Variants in KIF26B observed in about 807,000 individuals in gnomAD.
KIF26B encodes the protein kinesin family member 26B.
A neutral mutation model predicts 151.2 loss-of-function variants in KIF26B; 63 were observed. The ratio of observed to expected loss-of-function variants is 0.42; its 90% confidence interval spans 0.34 to 0.51. KIF26B has a LOEUF of 0.51. Ranked by LOEUF, KIF26B falls within the 20% of genes least tolerant of loss-of-function variation. The pLI is 0.07. For synonymous variants in KIF26B, 1,357 were observed against 1,262.1 expected (o/e 1.08, Z -1.59); for missense variants, 2,813 against 2,913.6 (o/e 0.97, Z 0.79).
chr1:245,642,333 A>G (rs1303583222), intron 9 of KIF26B, among the ~76,000 whole-genome samples: 1 of 152,124 alleles, frequency 6.6e-6, no homozygotes, highest in Non-Finnish European at 1.5e-5. Flanking sequence ...TTACTCAGCA[A>G]GTCTCTGCAC....
chr1:245,439,369 A>G (rs1659012188), intron 4 of KIF26B, among the ~76,000 whole-genome samples: 1 of 151,570 alleles, frequency 6.6e-6, no homozygotes, highest in Non-Finnish European at 1.5e-5. Flanking sequence ...AAAAAGAAAA[A>G]AGAAAGGTAA....
At chr1:245,334,659 G>A (rs533209159) in intron 2 of KIF26B, among the ~76,000 whole-genome samples, 8 of 152,284 alleles carry the variant, frequency 5.3e-5, no homozygotes, top group East Asian at 3.9e-4. Context: ...GTATGGGTGC[G>A]GGGCAGACAA....
intron 5 of KIF26B, among the ~76,000 whole-genome samples, chr1:245,580,541 G>A (rs771421093): frequency 1.6e-4 from 25 of 152,224 alleles, no homozygotes; most frequent in Non-Finnish European, 3.4e-4. Flanking sequence ...ATGTTGGGGG[G>A]ACAGAGGAAA....
intron 3 of KIF26B, among the ~76,000 whole-genome samples, chr1:245,413,246 A>C (rs1387899126): frequency 6.6e-6 from 1 of 152,216 alleles, no homozygotes; most frequent in East Asian, 1.9e-4. Flanking sequence ...TAGGGTTTTC[A>C]AACATGTTAG....
At chr1:245,415,309 C>T (rs1674390503) in intron 3 of KIF26B, among the ~76,000 whole-genome samples, 1 of 152,180 alleles carries the variant, frequency 6.6e-6, no homozygotes, top group Admixed American at 6.5e-5. Context: ...ATAGCCAGAT[C>T]TCATGTAGTA....
chr1:245,160,895 A>G (rs1668520361), intron 2 of KIF26B, among the ~76,000 whole-genome samples: 1 of 152,200 alleles, frequency 6.6e-6, no homozygotes, highest in Non-Finnish European at 1.5e-5. Flanking sequence ...CCCCACATGC[A>G]TATTTCTGTA....
At position 245,170,872 on chromosome 1, in the gene KIF26B, C is replaced by T. The variant is rs1211723854; in HGVS notation, c.465+14189C>T. Among the ~76,000 whole-genome samples, 1 of 152,226 alleles carries T rather than the reference C, an allele frequency of 6.6e-6. No homozygotes were observed. The highest frequency in any genetic ancestry group is 2.4e-5 in the African/African-American group (1 of 41,456). ...AAGCATGAGGTCACTTGTCTAGACA[C>T]TGACCCCTCAGGCAGTGTTCATGTT... is the stretch of plus-strand genomic sequence containing the variant. On this transcript the variant is annotated intron_variant, in intron 2 of 14. Coordinates refer to ENST00000407071, the MANE Select transcript of KIF26B (RefSeq NM_018012.4). This position sits in a 1 kb window ranked among gnomAD's most constrained non-coding sequence, Gnocchi z 4.4.
At chr1:245,670,723 T>C (rs998596848) in intron 10 of KIF26B, among the ~76,000 whole-genome samples, 1 of 152,172 alleles carries the variant, frequency 6.6e-6, no homozygotes, top group Non-Finnish European at 1.5e-5. Context: ...TTTTTAATTT[T>C]TGTGGGTACA....
At chr1:245,216,476 C>A (rs1669649175) in intron 2 of KIF26B, among the ~76,000 whole-genome samples, 1 of 136,348 alleles carries the variant, frequency 7.3e-6, no homozygotes, top group African/African-American at 2.7e-5. Flanking sequence ...TAGCACCAAA[C>A]TATTAAAAAT....
intron 9 of KIF26B, chr1:245,615,248 C>G (rs2043575852): frequency 6.6e-6 from 1 of 152,160 alleles, no homozygotes; most frequent in South Asian, 2.1e-4. Context: ...AACATCTAAC[C>G]CTTGAGCCAA....
Position 245,563,776 on chromosome 1 carries a change from C to T in KIF26B, c.1350+22826C>T, listed in dbSNP as rs1242121288. On this transcript the variant is annotated intron_variant, in intron 5 of 14. Transcript: ENST00000407071. This position sits in a 1 kb window ranked among gnomAD's most constrained non-coding sequence, Gnocchi z 4.6. Reference sequence around the variant, plus strand: ...GATTTAGAATATGTAACGCAATTACCGCTGCGTTACCAGCAATCCCAAGAG... The same window carrying T: ...GATTTAGAATATGTAACGCAATTACTGCTGCGTTACCAGCAATCCCAAGAG... Among the ~76,000 whole-genome samples the T allele has an allele frequency of 6.8e-6, 1 of 147,792 alleles. No individual in the cohort carries two copies. The highest frequency in any genetic ancestry group is 1.5e-5 in the Non-Finnish European group (1 of 66,878).
intron 2 of KIF26B, among the ~76,000 whole-genome samples, chr1:245,162,013 T>TGGA (rs1169780578): frequency 6.6e-6 from 1 of 152,162 alleles, no homozygotes; most frequent in Non-Finnish European, 1.5e-5. Context: ...GTGCACCCAT[T>TGGA]GGAGACCCTG....
At chr1:245,194,126 G>T (rs1375749751) in intron 2 of KIF26B, among the ~76,000 whole-genome samples, 1 of 152,152 alleles carries the variant, frequency 6.6e-6, no homozygotes, top group Non-Finnish European at 1.5e-5. Context: ...GAAGGCGTAT[G>T]GTAGTTTCTT....
intron 10 of KIF26B, among the ~76,000 whole-genome samples, chr1:245,657,968 G>A (rs762860445): frequency 3.9e-5 from 6 of 152,132 alleles, no homozygotes; most frequent in African/African-American, 7.2e-5. Context: ...TTGTGTGATC[G>A]TCTGCCTTCC....
At chr1:245,232,551 GTTT>G (rs58620865) in intron 2 of KIF26B, among the ~76,000 whole-genome samples, 1 of 131,768 alleles carries the variant, frequency 7.6e-6, no homozygotes. Context: ...GGTTTCATTT[GTTT>G]TTTTTTTTTT....
chr1:245,193,015 G>A (rs1368281420), intron 2 of KIF26B, among the ~76,000 whole-genome samples: 1 of 152,172 alleles, frequency 6.6e-6, no homozygotes, highest in African/African-American at 2.4e-5. Flanking sequence ...TACCCAATAG[G>A]TAGTTTTTGA....
intron 4 of KIF26B, among the ~76,000 whole-genome samples, chr1:245,491,266 G>A (rs1660404286): frequency 1.3e-5 from 2 of 152,118 alleles, no homozygotes; most frequent in Non-Finnish European, 2.9e-5. Flanking sequence ...TTGTCTTGCT[G>A]GCATCAGTAT....
At chr1:245,651,293 C>T (rs2044013191) in intron 10 of KIF26B, among the ~76,000 whole-genome samples, 1 of 152,222 alleles carries the variant, frequency 6.6e-6, no homozygotes. Flanking sequence ...GGAAATGACA[C>T]TTCATAAGTA....
chr1:245,388,217 A>G (rs1302804934), intron 3 of KIF26B, among the ~76,000 whole-genome samples: 4 of 152,122 alleles, frequency 2.6e-5, no homozygotes, highest in Non-Finnish European at 4.4e-5. Context: ...TTTTTTTATC[A>G]TAGTATTTTT....
Sources: allele counts gnomAD v4.1 joint callset (sites outside exome capture counted in the v4.1 genomes callset), GRCh38; gene constraint gnomAD v4.1.1; non-coding constraint Gnocchi (gnomAD v3.1); transcripts MANE v1.5; gene names NCBI Gene and HGNC (gene_info 2026-07-23, HGNC 2026-07-21).